The following DIP2A variants were observed in gnomAD, a reference collection of about 807,000 sequenced individuals.
DIP2A encodes disco-interacting protein 2 homolog A.
Under a neutral mutation model 177.4 loss-of-function variants are expected in DIP2A, and 85 were observed. That is an observed-to-expected ratio of 0.48 (90% confidence interval 0.40 to 0.57). The LOEUF (loss-of-function observed/expected upper bound fraction) is 0.57. DIP2A is among the 20% of genes least tolerant of loss of function. The probability of loss-of-function intolerance (pLI) is 0.00; values close to 1 mark genes in which losing one functional copy is unlikely to be tolerated. For synonymous variants in DIP2A, 886 were observed against 881.8 expected (o/e 1.00, Z -0.08); for missense variants, 1,791 against 2,100.2 (o/e 0.85, Z 2.88).
chr21:46,475,065 A>G (rs1278119243), intron 1 of DIP2A, among the ~76,000 whole-genome samples: 2 of 88,510 alleles, frequency 2.3e-5, no homozygotes, highest in Non-Finnish European at 2.2e-5. Context: ...GTCTGCCTCA[A>G]CCAGAGACTC....
chr21:46,477,543 T>TTTTGTGTGTG lies in DIP2A; in HGVS notation c.92-7213_92-7212insTTGTGTGTGT, dbSNP rs374607636. 7.4e-3 allele frequency among the ~76,000 whole-genome samples: 647 copies of TTTTGTGTGTG among 87,104 alleles called. 8 individuals are homozygous for TTTTGTGTGTG. The highest frequency in any genetic ancestry group is 0.011 in the Non-Finnish European group (485 of 43,938). 57.1% of individuals were successfully genotyped at this position (87,104 alleles called of 152,430 possible). A position where few individuals can be genotyped will look rare whatever the true frequency, so the allele number is the denominator to read the frequency against. On this transcript the variant is annotated intron_variant, in intron 1 of 37. Transcript: ENST00000417564. ...CTCCGCCTAAAATAAAAAAAAAGAT[T>TTTTGTGTGTG]TGTGTGTGTGTGTGTGTGTGTGTGT... is the stretch of plus-strand genomic sequence containing the variant.
At chr21:46,547,826 G>A (rs1036108225) in intron 21 of DIP2A, among the ~76,000 whole-genome samples, 11 of 151,576 alleles carry the variant, frequency 7.3e-5, no homozygotes, top group South Asian at 2.1e-4. Context: ...TGCACCCCAC[G>A]CCTGGCTAAT....
intron 10 of DIP2A, among the ~76,000 whole-genome samples, chr21:46,533,245 T>C (rs1285796799): frequency 2.2e-4 from 34 of 152,216 alleles, no homozygotes; most frequent in Admixed American, 2.2e-3. Flanking sequence ...CTAAATGTCA[T>C]TTGTAAGAAT....
intron 1 of DIP2A, among the ~76,000 whole-genome samples, chr21:46,460,918 T>A (rs1304818970): frequency 6.6e-6 from 1 of 151,982 alleles, no homozygotes; most frequent in Non-Finnish European, 1.5e-5. Flanking sequence ...GGTCTCAAAC[T>A]CCTGACCTCA....
In DIP2A at chr21:46,511,507, C is replaced by T. The variant is rs374372447; in HGVS notation, c.995C>T (p.Pro332Leu). 59 of 1,612,814 alleles carry T rather than the reference C, an allele frequency of 3.7e-5. No individual in the cohort carries two copies. In the African/African-American group the frequency reaches 6.5e-4, roughly 18 times the overall value. The change falls in exon 8 of 38, where the codon CCG becomes CTG. Residue 332 changes from proline (P) to leucine (L), a missense_variant. Physicochemically the swap from Pro to Leu is moderately conservative, Grantham distance 98. Coordinates refer to ENST00000417564, the MANE Select transcript of DIP2A (RefSeq NM_015151.4). The stretch of plus-strand genomic sequence containing the variant: ...CCTCTCACTGCAGGTGTCCCCCGAC[C>T]GCCGTCGCTGTTGGCCACCTTGCAG... Reference protein sequence around the residue: ...GEPLTAGVPRPPSLLATLQRW... With the variant: ...GEPLTAGVPRLPSLLATLQRW...
Position 46,534,114 on chromosome 21 carries a change from G to A in DIP2A, c.1539+1G>A, listed in dbSNP as rs1450975069. The A allele has an allele frequency of 6.2e-7, 1 of 1,607,594 alleles. No individual in the cohort carries two copies. Among genetic ancestry groups the A allele is most frequent in the Non-Finnish European group, 8.5e-7 (1 of 1,174,426 alleles). On this transcript the variant is annotated splice_donor_variant, in intron 12 of 37. Coordinates refer to ENST00000417564, the MANE Select transcript of DIP2A (RefSeq NM_015151.4). LOFTEE classifies it high-confidence loss of function. ...AGGGACTGGGACTGCCTACATTGAG[G>A]TAATGACTGTTCCTAACTTAGAGAA...
At chr21:46,538,433 G>T in intron 15 of DIP2A, 50 bp from the exon 16 acceptor site, 1 of 1,531,102 alleles carries the variant, frequency 6.5e-7, no homozygotes, top group South Asian at 1.2e-5. Context: ...GGCGTGTGAG[G>T]GTGCCAGTCC....
rs1473650652 is a variant in DIP2A, at chr21:46,549,936, C to T, written c.2637+51C>T. ...TTCGGTGAATCTCCCAAGCTGGCAC[C>T]CCCACTCCACTCCAAGTGCCAAGTG... On this transcript the variant is annotated intron_variant, in intron 22 of 37. Transcript: ENST00000417564. The T allele has an allele frequency of 1.9e-6, 3 of 1,600,474 alleles. No individual in the cohort carries two copies. In the African/African-American group the frequency reaches 4.0e-5, roughly 21 times the overall value.
Position 46,547,019 on chromosome 21 carries a change from C to G in DIP2A, c.2499C>G (p.Pro833=). 1 of 1,613,960 alleles carries G rather than the reference C, an allele frequency of 6.2e-7. No individual in the cohort carries two copies. The highest frequency in any genetic ancestry group is 8.5e-7 in the Non-Finnish European group (1 of 1,179,876). ...TGGCCACCGCACTGGCCGTGGAGCCCATGAAGTTTGTCTACAGAGGCAGGT... is the reference window on the plus strand; with the variant it reads ...TGGCCACCGCACTGGCCGTGGAGCCGATGAAGTTTGTCTACAGAGGCAGGT... ...DVVATALAVE[P]MKFVYRGRIA... is the part of the protein sequence containing the mutation. Residue 833 remains proline (P), a synonymous_variant, in exon 21 of 38, where the codon CCC becomes CCG. Transcript: ENST00000417564.
chr21:46,509,027 A>G (rs2058171459), intron 6 of DIP2A, among the ~76,000 whole-genome samples: 1 of 151,804 alleles, frequency 6.6e-6, no homozygotes. Context: ...AAAGCAAAAA[A>G]ACAAAAACAA....
intron 8 of DIP2A, among the ~76,000 whole-genome samples, chr21:46,525,893 T>G (rs542742273): frequency 2.8e-5 from 4 of 145,280 alleles, no homozygotes; most frequent in Non-Finnish European, 6.0e-5. Flanking sequence ...TTATTATTAT[T>G]ATTATTATTA....
chr21:46,473,018 A>G (rs1206580556), intron 1 of DIP2A, among the ~76,000 whole-genome samples: 1 of 152,244 alleles, frequency 6.6e-6, no homozygotes, highest in Non-Finnish European at 1.5e-5. Context: ...CTTTTAATTA[A>G]TTAAAATTTA....
chr21:46,538,676 G>GA, intron 16 of DIP2A, 74 bp downstream of exon 16: 1 of 1,509,426 alleles, frequency 6.6e-7, no homozygotes, highest in Non-Finnish European at 8.9e-7. Flanking sequence ...AATACACTGA[G>GA]AAGCAAAATG....
intron 5 of DIP2A, among the ~76,000 whole-genome samples, chr21:46,500,129 TTTTG>T (rs777602099): frequency 3.2e-4 from 48 of 152,312 alleles, no homozygotes; most frequent in Non-Finnish European, 5.7e-4. Context: ...CTCTTCATGT[TTTTG>T]TTTGTTTGAG....
chr21:46,549,666 T>G, intron 21 of DIP2A, 105 bp from the exon 22 acceptor site: 4 of 1,533,160 alleles, frequency 2.6e-6, no homozygotes, highest in Non-Finnish European at 3.5e-6. Context: ...ATAGACTGCA[T>G]TTTAAATACT....
chr21:46,545,394 C>A, intron 19 of DIP2A, 121 bp downstream of exon 19: 2 of 1,228,006 alleles, frequency 1.6e-6, no homozygotes, highest in South Asian at 1.5e-5. Context: ...TCCACACAGG[C>A]GCTGCTGGGG....
chr21:46,567,380 A>T lies in DIP2A; in HGVS notation c.4474A>T (p.Thr1492Ser). 2 of 1,613,304 alleles carry T rather than the reference A, an allele frequency of 1.2e-6. No individual in the cohort carries two copies. The highest frequency in any genetic ancestry group is 1.7e-6 in the Non-Finnish European group (2 of 1,179,556). ...HRSIAECAVF[T>S]WTNLLVVVVE... Reference sequence around the variant, plus strand: ...GTCTTCTCTCTGCAGTGCCGTATTCACCTGGACCAACCTGCTGGTGGTGGT... The same window carrying T: ...GTCTTCTCTCTGCAGTGCCGTATTCTCCTGGACCAACCTGCTGGTGGTGGT... The change falls in exon 38 of 38, where the codon ACC becomes TCC. Residue 1492 changes from threonine to serine, a missense_variant. Thr to Ser is a moderately conservative substitution (Grantham distance 58, BLOSUM62 1). Transcript: ENST00000417564.
At position 46,568,566 on chromosome 21, in the gene DIP2A, G is replaced by A. The variant is rs942458770; in HGVS notation, c.*944G>A. The A allele has an allele frequency of 1.3e-5, 2 of 152,088 alleles. No individual in the cohort carries two copies. Among genetic ancestry groups the A allele is most frequent in the African/African-American group, 2.4e-5 (1 of 41,416 alleles). The allele number at this position is 152,088 out of a possible 1,614,324, so 9.4% of individuals were successfully genotyped here. A position where few individuals can be genotyped will look rare whatever the true frequency, so the allele number is the denominator to read the frequency against. On this transcript the variant is annotated 3_prime_UTR_variant, in exon 38 of 38. Transcript: ENST00000417564. ...GCTGCTTGTCAGCATGTATTGTCAC[G>A]GACACTCAATAAGTGCCATTTTGGA...
intron 5 of DIP2A, among the ~76,000 whole-genome samples, chr21:46,501,901 C>G (rs973274577): frequency 6.6e-6 from 1 of 152,162 alleles, no homozygotes; most frequent in Non-Finnish European, 1.5e-5. Context: ...CTAATTTGAT[C>G]AGCATCAGGC....
Sources: allele counts gnomAD v4.1 joint callset (sites outside exome capture counted in the v4.1 genomes callset), GRCh38; gene constraint gnomAD v4.1.1; transcripts MANE v1.5; gene names NCBI Gene and HGNC (gene_info 2026-07-23, HGNC 2026-07-21).